The following SLIT2 variants were observed in gnomAD, a reference collection of about 807,000 sequenced individuals.
The protein encoded by SLIT2 is slit guidance ligand 2, also known as slit homolog 2 protein.
Under a neutral mutation model 185.7 loss-of-function variants are expected in SLIT2, and 41 were observed. That is an observed-to-expected ratio of 0.22 (90% CI 0.17 to 0.29). The LOEUF is 0.29. Among genes scored for constraint, SLIT2 ranks in the 10% least tolerant of loss-of-function variants. SLIT2 has a pLI of 1.00. For missense variants in SLIT2, 1,571 were observed against 1,909.0 expected (o/e 0.82, Z 3.30); for synonymous variants, 693 against 680.2 (o/e 1.02, Z -0.29).
intron 4 of SLIT2, among the ~76,000 whole-genome samples, chr4:20,420,738 C>T (rs1333862559): frequency 6.6e-6 from 1 of 151,954 alleles, no homozygotes; most frequent in Non-Finnish European, 1.5e-5. Flanking sequence ...ACCTCCAATG[C>T]AGTGGTATTT....
chr4:20,279,304 C>A (rs1304708724), intron 4 of SLIT2, among the ~76,000 whole-genome samples: 1 of 152,160 alleles, frequency 6.6e-6, no homozygotes. Flanking sequence ...TTCTGCATTA[C>A]CTCTTCAACG....
chr4:20,612,929 A>T (rs1729345926), intron 34 of SLIT2, among the ~76,000 whole-genome samples: 1 of 151,634 alleles, frequency 6.6e-6, no homozygotes, highest in Non-Finnish European at 1.5e-5. Context: ...AAAAAAAAAA[A>T]AAAAAAATTA....
intron 4 of SLIT2, among the ~76,000 whole-genome samples, chr4:20,348,761 G>C (rs1471104450): frequency 6.6e-6 from 1 of 152,200 alleles, no homozygotes; most frequent in Admixed American, 6.5e-5. Flanking sequence ...TAAATATCCT[G>C]TGTTGGTTTC....
At chr4:20,396,027 C>T (rs182955764) in intron 4 of SLIT2, among the ~76,000 whole-genome samples, 1 of 151,512 alleles carries the variant, frequency 6.6e-6, no homozygotes. Flanking sequence ...TTAAAAGTAC[C>T]CCCCCAAACT....
intron 29 of SLIT2, among the ~76,000 whole-genome samples, chr4:20,579,599 C>T (rs1385233482): frequency 6.6e-6 from 1 of 151,762 alleles, no homozygotes; most frequent in Non-Finnish European, 1.5e-5. Flanking sequence ...CTTTGTCATA[C>T]TCATCCTTCA....
chr4:20,343,907 G>C (rs914193438), intron 4 of SLIT2, among the ~76,000 whole-genome samples: 3 of 151,756 alleles, frequency 2.0e-5, no homozygotes, highest in African/African-American at 7.3e-5. Context: ...CTGGAGTGCA[G>C]TGTCATGATC....
chr4:20,511,591 T>TTTTTTTTTTTTTTA (rs1325881596), intron 11 of SLIT2, among the ~76,000 whole-genome samples: 2 of 132,708 alleles, frequency 1.5e-5, no homozygotes, highest in East Asian at 4.7e-4. Flanking sequence ...CAGCTAATTT[T>TTTTTTTTTTTTTTA]TTTTTTTTTT....
intron 4 of SLIT2, among the ~76,000 whole-genome samples, chr4:20,441,500 CT>C (rs1729736454): frequency 2.1e-5 from 3 of 145,502 alleles, no homozygotes; most frequent in Middle Eastern, 3.5e-3. Context: ...CTCTCTCTCT[CT>C]CGCCCCCCCC....
rs570630680 is a variant in SLIT2 at position 20,515,681 on chromosome 4, A to T, written c.1059-3701A>T. Among the ~76,000 whole-genome samples the T allele has an allele frequency of 2.6e-5, 4 of 152,258 alleles. No homozygotes were observed. The South Asian group carries it at 8.3e-4, about 32-fold the overall frequency. On this transcript the variant is annotated intron_variant, in intron 11 of 36. Transcript: ENST00000504154. ...TTATAATTTTCAAATGTATACATTT[A>T]AAAAAATTTATAAGTATAATTTCCT...
At chr4:20,323,826 T>C (rs1342602411) in intron 4 of SLIT2, among the ~76,000 whole-genome samples, 2 of 152,212 alleles carry the variant, frequency 1.3e-5, no homozygotes, top group Non-Finnish European at 2.9e-5. Context: ...TGATTTTTCC[T>C]CTTTAATTAT....
chr4:20,293,399 A>G (rs1312928853), intron 4 of SLIT2, among the ~76,000 whole-genome samples: 1 of 152,216 alleles, frequency 6.6e-6, no homozygotes, highest in Admixed American at 6.5e-5. Flanking sequence ...ACATTTAAAA[A>G]GATATTTGCA....
intron 4 of SLIT2, among the ~76,000 whole-genome samples, chr4:20,344,880 G>A (rs1455333669): frequency 1.3e-5 from 2 of 152,040 alleles, no homozygotes; most frequent in African/African-American, 2.4e-5. Flanking sequence ...AAATATGAAA[G>A]ATATTTTTCT....
chr4:20,406,941 C>CTG (rs57411082), intron 4 of SLIT2, among the ~76,000 whole-genome samples: 133,931 of 146,022 alleles, frequency 0.92, 61,590 homozygotes, highest in East Asian at 0.98. Context: ...AAAAAATAAA[C>CTG]GAGAATATTC....
intron 18 of SLIT2, among the ~76,000 whole-genome samples, chr4:20,535,884 G>T (rs1327396813): frequency 1.3e-5 from 2 of 151,936 alleles, no homozygotes; most frequent in East Asian, 1.9e-4. Flanking sequence ...TGATAAATGT[G>T]TCATTAGGCA....
At chr4:20,411,041 C>T (rs1012156485) in intron 4 of SLIT2, among the ~76,000 whole-genome samples, 1 of 152,134 alleles carries the variant, frequency 6.6e-6, no homozygotes. Context: ...TCTTCCTATC[C>T]ATGAGCATGG....
rs147760963 is a variant in SLIT2 at position 20,416,220 on chromosome 4, T to C, written c.396-51532T>C. 3.9e-3 allele frequency among the ~76,000 whole-genome samples: 590 copies of C among 152,314 alleles called. 3 individuals are homozygous for C. The highest frequency in any genetic ancestry group is 0.013 in the African/African-American group (531 of 41,572). On this transcript the variant is annotated intron_variant, in intron 4 of 36. Transcript: ENST00000504154. ...TTCAAGAACAGCATTTATTTTCTCA[T>C]AGTTCTGGAGGCTGGAAATCCAAGT... is the stretch of plus-strand genomic sequence containing the variant.
intron 7 of SLIT2, among the ~76,000 whole-genome samples, chr4:20,487,974 G>A (rs1717407536): frequency 2.0e-5 from 3 of 152,178 alleles, no homozygotes; most frequent in Admixed American, 2.0e-4. Context: ...AGATGGTTCT[G>A]GGAATGGTGC....
intron 11 of SLIT2, among the ~76,000 whole-genome samples, chr4:20,518,223 A>ATC (rs2148838111): frequency 8.3e-6 from 1 of 121,028 alleles, no homozygotes; most frequent in African/African-American, 3.2e-5. Flanking sequence ...ATATATATAC[A>ATC]TATATATGTG....
chr4:20,391,149 A>G (rs910212446), intron 4 of SLIT2, among the ~76,000 whole-genome samples: 2 of 152,032 alleles, frequency 1.3e-5, no homozygotes, highest in Non-Finnish European at 1.5e-5. Flanking sequence ...GTCGGGGTAA[A>G]TCCTTTTACC....
Sources: allele counts gnomAD v4.1 joint callset (sites outside exome capture counted in the v4.1 genomes callset), GRCh38; gene constraint gnomAD v4.1.1; transcripts MANE v1.5; gene names NCBI Gene and HGNC (gene_info 2026-07-23, HGNC 2026-07-21).